The following ZMIZ1 variants were observed in gnomAD, a reference collection of about 807,000 sequenced individuals.
The protein encoded by ZMIZ1 is zinc finger MIZ-type containing 1.
A neutral mutation model predicts 113.9 loss-of-function variants in ZMIZ1; 17 were observed. That is an observed-to-expected ratio of 0.15 (90% confidence interval 0.10 to 0.22). The LOEUF (loss-of-function observed/expected upper bound fraction) is 0.22. Ranked by LOEUF, ZMIZ1 falls within the 10% of genes least tolerant of loss-of-function variation. The pLI, the probability that ZMIZ1 is intolerant of heterozygous loss-of-function variation, is 1.00. For missense variants in ZMIZ1, 1,059 were observed against 1,477.8 expected (o/e 0.72, Z 4.65); for synonymous variants, 607 against 603.1 (o/e 1.01, Z -0.09).
chr10:79,089,239 C>T (rs1842919134), intron 1 of ZMIZ1, among the ~76,000 whole-genome samples: 1 of 152,216 alleles, frequency 6.6e-6, no homozygotes, highest in Admixed American at 6.5e-5. Flanking sequence ...CGGCCGGAGC[C>T]TCCGCATGTC....
chr10:79,116,103 C>A (rs1239424087), intron 1 of ZMIZ1, among the ~76,000 whole-genome samples: 1 of 152,030 alleles, frequency 6.6e-6, no homozygotes, highest in Non-Finnish European at 1.5e-5. Flanking sequence ...GTAAGCCCTG[C>A]ACTCTGTAGC....
At chr10:79,290,793 A>C in intron 9 of ZMIZ1, 166 bp from the exon 10 acceptor site, 2 of 809,802 alleles carry the variant, frequency 2.5e-6, no homozygotes, top group Non-Finnish European at 4.2e-6. Flanking sequence ...CCCGCTCCTT[A>C]TCACCGGTAC....
intron 1 of ZMIZ1, among the ~76,000 whole-genome samples, chr10:79,075,074 A>G (rs999185488): frequency 1.3e-5 from 2 of 152,188 alleles, no homozygotes; most frequent in Non-Finnish European, 2.9e-5. Flanking sequence ...TTGAGGACAG[A>G]CGGTGGGGGG....
chr10:79,290,028 G>T, intron 9 of ZMIZ1, 139 bp downstream of exon 9: 1 of 847,322 alleles, frequency 1.2e-6, no homozygotes. Context: ...ACCCAGCTGT[G>T]GACACGTCTC....
At chr10:79,235,983 T>C (rs1236010213) in intron 7 of ZMIZ1, among the ~76,000 whole-genome samples, 3 of 152,168 alleles carry the variant, frequency 2.0e-5, no homozygotes, top group Admixed American at 2.0e-4. Flanking sequence ...TGAACCTCAG[T>C]TTCCTCATTT....
intron 2 of ZMIZ1, among the ~76,000 whole-genome samples, chr10:79,135,723 G>A (rs2132391730): frequency 6.6e-6 from 1 of 152,308 alleles, no homozygotes; most frequent in East Asian, 1.9e-4. Context: ...GGGTCCAAGG[G>A]CCAGGGTTCC....
chr10:79,215,638 G>C (rs2132710623), intron 6 of ZMIZ1, among the ~76,000 whole-genome samples: 1 of 152,294 alleles, frequency 6.6e-6, no homozygotes, highest in South Asian at 2.1e-4. Context: ...TGACTCGGAG[G>C]GGCAGGGCTG....
rs1487277119 is a variant in ZMIZ1, at chr10:79,314,924, A to G, written c.*2175A>G. ...CATCTGGGAATTAAGCTCCAGACAGACTTACAGATGCCTTCCTTAGGAGTT... is the reference window on the plus strand; with the variant it reads ...CATCTGGGAATTAAGCTCCAGACAGGCTTACAGATGCCTTCCTTAGGAGTT... On this transcript the variant is annotated 3_prime_UTR_variant, in exon 25 of 25. Coordinates refer to ENST00000334512, the MANE Select transcript of ZMIZ1 (RefSeq NM_020338.4). The G allele has an allele frequency of 6.6e-6, 1 of 152,658 alleles. No individual in the cohort carries two copies. Among genetic ancestry groups the G allele is most frequent in the East Asian group, 1.9e-4 (1 of 5,338 alleles). 9.5% of individuals were successfully genotyped at this position (152,658 alleles called of 1,614,324 possible).
chr10:79,268,788 C>T (rs1851757599), intron 7 of ZMIZ1, among the ~76,000 whole-genome samples: 1 of 152,140 alleles, frequency 6.6e-6, no homozygotes, highest in Non-Finnish European at 1.5e-5. Context: ...AATCAGAATG[C>T]ATGGGTGGAA....
At chr10:79,253,928 ACACT>A (rs1291597285) in intron 7 of ZMIZ1, among the ~76,000 whole-genome samples, 1 of 152,156 alleles carries the variant, frequency 6.6e-6, no homozygotes, top group African/African-American at 2.4e-5. Context: ...ACTCATGCAC[ACACT>A]CACTCATAGG....
Position 79,223,352 on chromosome 10 carries a change from C to CA in ZMIZ1, c.280+7079dup, listed in dbSNP as rs1849066329. 7.9e-5 allele frequency among the ~76,000 whole-genome samples: 12 copies of CA among 152,358 alleles called. No individual in the cohort carries two copies. In the South Asian group the frequency reaches 2.5e-3, roughly 32 times the overall value. ...TGCCCTTGAAATGCCAGCCGCCTGG[C>CA]AGGCTGGGGCACCTTTTCAAGGTCG... On this transcript the variant is annotated intron_variant, in intron 7 of 24. Coordinates refer to ENST00000334512, the MANE Select transcript of ZMIZ1 (RefSeq NM_020338.4).
rs545187498 is a variant in ZMIZ1 at position 79,109,706 on chromosome 10, A to G, written c.-336-9209A>G. 3.3e-5 allele frequency among the ~76,000 whole-genome samples: 5 copies of G among 152,374 alleles called. No homozygotes were observed. The South Asian group carries it at 1.0e-3, about 32-fold the overall frequency. The stretch of plus-strand genomic sequence containing the variant: ...CGTGGGAGAAGCCCAGTCAAGAGTC[A>G]GGCAGCCAGGTGCACAAACCCAGGC... On this transcript the variant is annotated intron_variant, in intron 1 of 24. Coordinates refer to ENST00000334512, the MANE Select transcript of ZMIZ1 (RefSeq NM_020338.4).
At chr10:79,157,285 A>G (rs1845934831) in intron 3 of ZMIZ1, among the ~76,000 whole-genome samples, 1 of 152,006 alleles carries the variant, frequency 6.6e-6, no homozygotes, top group African/African-American at 2.4e-5. Flanking sequence ...GAGAGCTACC[A>G]GGGTTATTGA....
At chr10:79,182,445 G>T (rs1324655998) in intron 4 of ZMIZ1, among the ~76,000 whole-genome samples, 3 of 152,168 alleles carry the variant, frequency 2.0e-5, no homozygotes, top group Non-Finnish European at 4.4e-5. Context: ...GTGAGGTATG[G>T]GCTGGGTTTG....
At chr10:79,223,231 C>T (rs562343398) in intron 7 of ZMIZ1, among the ~76,000 whole-genome samples, 3 of 152,370 alleles carry the variant, frequency 2.0e-5, no homozygotes, top group African/African-American at 7.2e-5. Context: ...AAACAGCTCG[C>T]GGCCGCCCAG....
chr10:79,261,692 G>A (rs1282047491), intron 7 of ZMIZ1, among the ~76,000 whole-genome samples: 1 of 152,230 alleles, frequency 6.6e-6, no homozygotes, highest in Non-Finnish European at 1.5e-5. Context: ...CCGGGCAGGG[G>A]ACAACAATGC....
chr10:79,176,858 C>T (rs1564700108), intron 4 of ZMIZ1, among the ~76,000 whole-genome samples: 1 of 152,202 alleles, frequency 6.6e-6, no homozygotes. Context: ...CTCAGTTTCC[C>T]CATCTACCCA....
At chr10:79,280,337 C>CGA (rs1400794914) in intron 8 of ZMIZ1, among the ~76,000 whole-genome samples, 2 of 152,268 alleles carry the variant, frequency 1.3e-5, no homozygotes, top group East Asian at 3.9e-4. Context: ...TGCAGTGGCA[C>CGA]TATCATAGCT....
At chr10:79,133,672 C>G (rs1005126423) in intron 2 of ZMIZ1, among the ~76,000 whole-genome samples, 1 of 152,182 alleles carries the variant, frequency 6.6e-6, no homozygotes, top group Admixed American at 6.5e-5. Flanking sequence ...CTAAGCACCC[C>G]CCTCCCCCTT....
Sources: allele counts gnomAD v4.1 joint callset (sites outside exome capture counted in the v4.1 genomes callset), GRCh38; gene constraint gnomAD v4.1.1; transcripts MANE v1.5; gene names NCBI Gene and HGNC (gene_info 2026-07-23, HGNC 2026-07-21).